The following NRG3 variants were observed in gnomAD, a reference collection of about 807,000 sequenced individuals.
NRG3 encodes the protein pro-neuregulin-3, membrane-bound isoform.
A neutral mutation model predicts 66.9 loss-of-function variants in NRG3; 31 were observed. The ratio of observed to expected loss-of-function variants is 0.46; its 90% CI spans 0.35 to 0.63. The LOEUF (loss-of-function observed/expected upper bound fraction) is 0.63, where lower values mean the gene tolerates loss of function less well. Ranked by LOEUF, NRG3 falls within the 20% of genes least tolerant of loss-of-function variation. NRG3 has a pLI of 0.00. For missense variants in NRG3, 910 were observed against 878.9 expected (o/e 1.04, Z -0.45); for synonymous variants, 393 against 359.4 (o/e 1.09, Z -1.06).
intron 2 of NRG3, among the ~76,000 whole-genome samples, chr10:82,484,399 T>A (rs77476229): frequency 6.1e-4 from 93 of 152,292 alleles, no homozygotes; most frequent in African/African-American, 2.1e-3. Context: ...TGTCCTTGGG[T>A]TTGTTCTGAA....
intron 2 of NRG3, among the ~76,000 whole-genome samples, chr10:82,460,859 A>G (rs2091481065): frequency 6.6e-6 from 1 of 152,308 alleles, no homozygotes. Flanking sequence ...TCTTTGAGCA[A>G]TAGTCATCTG....
chr10:82,096,554 A>G (rs1271300292), intron 1 of NRG3, among the ~76,000 whole-genome samples: 2 of 152,162 alleles, frequency 1.3e-5, no homozygotes, highest in Non-Finnish European at 2.9e-5. Context: ...GTCACTCACC[A>G]AAAAGAACAC....
At chr10:81,966,700 G>C (rs1467085561) in intron 1 of NRG3, among the ~76,000 whole-genome samples, 1 of 152,020 alleles carries the variant, frequency 6.6e-6, no homozygotes, top group African/African-American at 2.4e-5. Context: ...GTGCAGGCTT[G>C]ATTTCTTCAA....
chr10:82,162,532 G>A (rs2071679425), intron 1 of NRG3, among the ~76,000 whole-genome samples: 1 of 151,954 alleles, frequency 6.6e-6, no homozygotes, highest in African/African-American at 2.4e-5. Flanking sequence ...ACTCCTTTTT[G>A]GGCAGAGTAA....
At chr10:82,935,407 T>G (rs922019403) in intron 4 of NRG3, among the ~76,000 whole-genome samples, 1 of 152,176 alleles carries the variant, frequency 6.6e-6, no homozygotes, top group East Asian at 1.9e-4. Flanking sequence ...GCTCTTTATC[T>G]CAACAGTGAT....
At position 82,460,427 on chromosome 10, in the gene NRG3, A is replaced by G. The variant is rs1459163260; in HGVS notation, c.953+101559A>G. On this transcript the variant is annotated intron_variant, in intron 2 of 8. Coordinates refer to ENST00000372141, the MANE Select transcript of NRG3 (RefSeq NM_001010848.4). ...ATGTAGCACAGTGTCCCACATAGTA[A>G]GTAGTGAATATAACTAGCTACTAAA... Among the ~76,000 whole-genome samples, 6 of 152,240 alleles carry G rather than the reference A, an allele frequency of 3.9e-5. No homozygotes were observed. The East Asian group carries it at 1.2e-3, about 29-fold the overall frequency.
intron 1 of NRG3, among the ~76,000 whole-genome samples, chr10:82,205,529 C>T (rs1310671659): frequency 6.6e-6 from 1 of 152,106 alleles, no homozygotes; most frequent in African/African-American, 2.4e-5. Flanking sequence ...ACAATATCAT[C>T]AAAGACAGTC....
At chr10:82,120,678 C>G (rs1041730892) in intron 1 of NRG3, among the ~76,000 whole-genome samples, 8 of 152,096 alleles carry the variant, frequency 5.3e-5, no homozygotes, top group African/African-American at 1.9e-4. Context: ...ATGGAATTAC[C>G]TCTTTTGAGG....
At chr10:81,876,264 C>T (rs1224879454) in intron 1 of NRG3, 101 bp downstream of exon 1, 6 of 1,438,272 alleles carry the variant, frequency 4.2e-6, no homozygotes, top group Non-Finnish European at 5.6e-6. Flanking sequence ...CAAGCCCCCT[C>T]CCCCATCCCA....
intron 1 of NRG3, among the ~76,000 whole-genome samples, chr10:82,073,228 A>G (rs923776684): frequency 6.6e-6 from 1 of 152,212 alleles, no homozygotes; most frequent in Non-Finnish European, 1.5e-5. Flanking sequence ...GGAGAGTTTC[A>G]CTACTTCTTA....
At chr10:82,295,798 T>G (rs1319629112) in intron 1 of NRG3, among the ~76,000 whole-genome samples, 3 of 152,176 alleles carry the variant, frequency 2.0e-5, no homozygotes, top group South Asian at 2.1e-4. Context: ...GTAGGGTACC[T>G]TGGTATTCAT....
intron 1 of NRG3, among the ~76,000 whole-genome samples, chr10:82,317,823 T>C (rs1160026329): frequency 1.3e-5 from 2 of 152,200 alleles, no homozygotes; most frequent in African/African-American, 4.8e-5. Flanking sequence ...AAGATGATTT[T>C]GAGGGCTCCA....
At chr10:82,785,509 G>T (rs147697338) in intron 3 of NRG3, among the ~76,000 whole-genome samples, 1 of 152,064 alleles carries the variant, frequency 6.6e-6, no homozygotes, top group East Asian at 1.9e-4. Context: ...CTCTGACAAG[G>T]TCTTAGTTGT....
At chr10:82,659,492 A>C (rs1044480534) in intron 2 of NRG3, among the ~76,000 whole-genome samples, 1 of 152,094 alleles carries the variant, frequency 6.6e-6, no homozygotes, top group Non-Finnish European at 1.5e-5. Flanking sequence ...AAATACAAAA[A>C]ATTAGCTGGG....
intron 2 of NRG3, among the ~76,000 whole-genome samples, chr10:82,554,700 A>G (rs1408048548): frequency 6.6e-6 from 1 of 152,212 alleles, no homozygotes; most frequent in Non-Finnish European, 1.5e-5. Context: ...TTATCTTCCA[A>G]TATGAATGTG....
At chr10:82,730,879 G>A (rs1479334913) in intron 2 of NRG3, among the ~76,000 whole-genome samples, 1 of 152,246 alleles carries the variant, frequency 6.6e-6, no homozygotes, top group Admixed American at 6.5e-5. Flanking sequence ...TCCTTAGCTA[G>A]AAACGTTTTT....
intron 3 of NRG3, among the ~76,000 whole-genome samples, chr10:82,816,621 T>C (rs143869447): frequency 6.6e-6 from 1 of 151,970 alleles, no homozygotes; most frequent in Non-Finnish European, 1.5e-5. Context: ...TGAAGGTGGG[T>C]CTTTACCCCT....
chr10:82,973,496 G>A (rs1413050282), intron 6 of NRG3, among the ~76,000 whole-genome samples: 3 of 152,300 alleles, frequency 2.0e-5, no homozygotes, highest in African/African-American at 4.8e-5. Context: ...TTGGCTGTCA[G>A]TCATAGTGTG....
At chr10:82,909,985 T>G (rs1176117337) in intron 4 of NRG3, among the ~76,000 whole-genome samples, 2 of 151,996 alleles carry the variant, frequency 1.3e-5, no homozygotes, top group Non-Finnish European at 2.9e-5. Flanking sequence ...TAATGAAAAA[T>G]AGAAAAACAC....
Sources: allele counts gnomAD v4.1 joint callset (sites outside exome capture counted in the v4.1 genomes callset), GRCh38; gene constraint gnomAD v4.1.1; transcripts MANE v1.5; gene names NCBI Gene and HGNC (gene_info 2026-07-23, HGNC 2026-07-21).